Variants in DPYD observed in about 807,000 individuals in gnomAD.
DPYD encodes the protein dihydropyrimidine dehydrogenase.
In DPYD, 109 loss-of-function variants were observed where a neutral mutation model predicts 116.2. The observed-to-expected ratio is 0.94, with a 90% confidence interval of 0.80 to 1.10. DPYD has a LOEUF of 1.10. DPYD is among the 50% of genes least tolerant of loss of function. The probability of loss-of-function intolerance (pLI) is 0.00; values close to 1 mark genes in which losing one functional copy is unlikely to be tolerated. For missense variants in DPYD, 1,302 were observed against 1,254.5 expected (o/e 1.04, Z -0.57); for synonymous variants, 440 against 432.0 (o/e 1.02, Z -0.23).
rs1557956399 is a variant in DPYD, at chr1:97,229,582, ATATAT to A, written c.2442+5265_2442+5269del. Among the ~76,000 whole-genome samples, 659 of 69,780 alleles carry A rather than the reference ATATAT, an allele frequency of 9.4e-3. 12 individuals carry two copies. The highest frequency in any genetic ancestry group is 0.028 in the African/African-American group (586 of 21,270). 45.8% of individuals were successfully genotyped at this position (69,780 alleles called of 152,430 possible). On this transcript the variant is annotated intron_variant, in intron 19 of 22. Transcript: ENST00000370192. The stretch of plus-strand genomic sequence containing the variant: ...TATATATATATATATATATATATAT[ATATAT>A]ATACTGATTTTAATTCATACTTTAG...
chr1:97,369,697 G>A (rs886908708), intron 16 of DPYD, among the ~76,000 whole-genome samples: 2 of 152,158 alleles, frequency 1.3e-5, no homozygotes, highest in Admixed American at 6.6e-5. Flanking sequence ...AACCAAAGCC[G>A]AATGATATTT....
intron 2 of DPYD, among the ~76,000 whole-genome samples, chr1:97,870,177 A>T (rs1009250504): frequency 6.6e-6 from 1 of 152,040 alleles, no homozygotes; most frequent in South Asian, 2.1e-4. Flanking sequence ...ATAGGTTAGT[A>T]AAATCTAAAT....
chr1:97,312,796 C>T (rs1031164192), intron 16 of DPYD, among the ~76,000 whole-genome samples: 2 of 151,716 alleles, frequency 1.3e-5, no homozygotes, highest in African/African-American at 2.4e-5. Context: ...GTGGTATAAT[C>T]GGGTATAGAC....
chr1:97,362,660 C>T (rs1460860321), intron 16 of DPYD, among the ~76,000 whole-genome samples: 2 of 152,134 alleles, frequency 1.3e-5, no homozygotes, highest in African/African-American at 2.4e-5. Context: ...ACATCTACAA[C>T]CATCTGATCT....
At chr1:97,862,677 C>T (rs1394728635) in intron 2 of DPYD, among the ~76,000 whole-genome samples, 3 of 151,880 alleles carry the variant, frequency 2.0e-5, no homozygotes, top group Non-Finnish European at 4.4e-5. Context: ...AACAATGTAA[C>T]TCAAAAACTC....
At chr1:97,737,812 T>A (rs138675799) in intron 4 of DPYD, among the ~76,000 whole-genome samples, 4 of 152,270 alleles carry the variant, frequency 2.6e-5, no homozygotes, top group East Asian at 1.9e-4. Flanking sequence ...CACGTATCAA[T>A]GTAACTTTCT....
At chr1:97,237,025 T>G (rs111483691) in intron 18 of DPYD, among the ~76,000 whole-genome samples, 7,196 of 151,766 alleles carry the variant, frequency 0.047, 455 homozygotes, top group East Asian at 0.26. Flanking sequence ...GAGACCAGCC[T>G]GGCCAACAGT....
At chr1:97,267,614 AT>A (rs761137015) in intron 18 of DPYD, among the ~76,000 whole-genome samples, 2 of 151,984 alleles carry the variant, frequency 1.3e-5, no homozygotes, top group Non-Finnish European at 2.9e-5. Flanking sequence ...GCATTAATCC[AT>A]TCATGAGGGT....
intron 19 of DPYD, among the ~76,000 whole-genome samples, chr1:97,215,461 G>A (rs1034717938): frequency 2.0e-5 from 3 of 152,062 alleles, no homozygotes; most frequent in African/African-American, 4.8e-5. Context: ...AGCGTCTCTA[G>A]AGAGCCGAAG....
intron 2 of DPYD, among the ~76,000 whole-genome samples, chr1:97,844,980 T>A (rs1326624456): frequency 2.0e-5 from 3 of 152,196 alleles, no homozygotes. Context: ...CAGCTGTCTC[T>A]CACCTTGTGC....
chr1:97,569,474 T>C (rs899582149), intron 11 of DPYD, among the ~76,000 whole-genome samples: 1 of 148,770 alleles, frequency 6.7e-6, no homozygotes, highest in Admixed American at 6.8e-5. Flanking sequence ...TAATAAAATA[T>C]ACATATACAT....
intron 8 of DPYD, among the ~76,000 whole-genome samples, chr1:97,659,666 T>C (rs1222388640): frequency 1.3e-5 from 2 of 152,190 alleles, no homozygotes; most frequent in Non-Finnish European, 2.9e-5. Context: ...CAAGTTAAAT[T>C]TTTCAACTTG....
intron 1 of DPYD, among the ~76,000 whole-genome samples, chr1:97,919,348 T>C (rs1674382613): frequency 6.6e-6 from 1 of 152,234 alleles, no homozygotes; most frequent in Non-Finnish European, 1.5e-5. Context: ...TAAATGTTCT[T>C]AGTTGAAACA....
intron 1 of DPYD, among the ~76,000 whole-genome samples, chr1:97,886,060 T>C (rs368660052): frequency 6.6e-5 from 10 of 152,220 alleles, no homozygotes; most frequent in African/African-American, 2.4e-4. Context: ...TTGAAGTCTC[T>C]GGAAATTTGC....
chr1:97,898,507 A>C (rs1302211351), intron 1 of DPYD, among the ~76,000 whole-genome samples: 1 of 151,956 alleles, frequency 6.6e-6, no homozygotes, highest in African/African-American at 2.4e-5. Context: ...TATGTTTCTC[A>C]GGGAACACTG....
At chr1:97,361,179 C>T (rs1249063721) in intron 16 of DPYD, among the ~76,000 whole-genome samples, 1 of 152,166 alleles carries the variant, frequency 6.6e-6, no homozygotes, top group Non-Finnish European at 1.5e-5. Context: ...ATAAACGTCT[C>T]TACCAAGTAA....
chr1:97,197,321 C>T (rs990429925), intron 19 of DPYD, among the ~76,000 whole-genome samples: 1 of 152,044 alleles, frequency 6.6e-6, no homozygotes, highest in East Asian at 1.9e-4. Context: ...TGATGCTTTA[C>T]TTAATCCTCT....
At chr1:97,803,589 G>A (rs1667941919) in intron 3 of DPYD, among the ~76,000 whole-genome samples, 1 of 151,806 alleles carries the variant, frequency 6.6e-6, no homozygotes, top group Admixed American at 6.6e-5. Flanking sequence ...ACAGAGAGAT[G>A]AGAAATATTT....
At chr1:97,662,100 A>G (rs911108124) in intron 8 of DPYD, among the ~76,000 whole-genome samples, 4 of 144,994 alleles carry the variant, frequency 2.8e-5, no homozygotes, top group African/African-American at 1.0e-4. Flanking sequence ...TCCCAGGTTC[A>G]CGCCATTCTC....
Sources: allele counts gnomAD v4.1 joint callset (sites outside exome capture counted in the v4.1 genomes callset), GRCh38; gene constraint gnomAD v4.1.1; transcripts MANE v1.5; gene names NCBI Gene and HGNC (gene_info 2026-07-23, HGNC 2026-07-21).